DYM: variants seen among roughly 807,000 people sequenced by gnomAD.
DYM encodes dymeclin.
Under a neutral mutation model 93.1 loss-of-function variants are expected in DYM, and 78 were observed. That is an observed-to-expected ratio of 0.84 (90% CI 0.70 to 1.01). The LOEUF is 1.01. Among genes scored for constraint, DYM ranks in the 50% least tolerant of loss-of-function variants. The pLI, the probability that DYM is intolerant of heterozygous loss-of-function variation, is 0.00. For missense variants in DYM, 789 were observed against 845.0 expected, an observed-to-expected ratio of 0.93 and a Z score of 0.82; for synonymous variants, 321 against 319.7, an observed-to-expected ratio of 1.00 and a Z score of -0.04.
chr18:49,105,411 G>A (rs2080687552), intron 16 of DYM, among the ~76,000 whole-genome samples: 2 of 152,100 alleles, frequency 1.3e-5, no homozygotes, highest in Admixed American at 1.3e-4. Context: ...ATCTCCTTCA[G>A]TTCTGCTCTG....
chr18:49,216,572 C>T (rs1036695621), intron 13 of DYM, among the ~76,000 whole-genome samples: 4 of 152,150 alleles, frequency 2.6e-5, no homozygotes, highest in Non-Finnish European at 4.4e-5. Context: ...GAGGAACGAT[C>T]AGACAGCAGC....
intron 1 of DYM, among the ~76,000 whole-genome samples, chr18:49,444,730 T>C (rs1332855002): frequency 1.3e-5 from 2 of 152,312 alleles, no homozygotes; most frequent in African/African-American, 2.4e-5. Context: ...TTGGAAGTGA[T>C]TAGTCTGCAG....
chr18:49,146,327 G>C (rs893889748), intron 15 of DYM, among the ~76,000 whole-genome samples: 2 of 152,182 alleles, frequency 1.3e-5, no homozygotes, highest in Admixed American at 1.3e-4. Flanking sequence ...TCAACACAGT[G>C]TTGGAAGTTC....
chr18:49,351,209 G>A (rs2065093612), intron 6 of DYM, among the ~76,000 whole-genome samples: 1 of 151,984 alleles, frequency 6.6e-6, no homozygotes, highest in African/African-American at 2.4e-5. Context: ...AACACTTGAG[G>A]TCAGGAGCTC....
intron 16 of DYM, among the ~76,000 whole-genome samples, chr18:49,104,334 G>GAT: frequency 6.6e-6 from 1 of 152,228 alleles, no homozygotes; most frequent in Non-Finnish European, 1.5e-5. Context: ...GGGTTTTCTA[G>GAT]ATATACAATC....
At chr18:49,285,124 T>G (rs202033886) in intron 9 of DYM, among the ~76,000 whole-genome samples, 5 of 152,202 alleles carry the variant, frequency 3.3e-5, no homozygotes, top group Admixed American at 6.6e-5. Context: ...TTAGATTGAC[T>G]TCCCAGCCTT....
chr18:49,284,079 A>G (rs1163963724), intron 9 of DYM, among the ~76,000 whole-genome samples: 1 of 152,210 alleles, frequency 6.6e-6, no homozygotes, highest in East Asian at 1.9e-4. Context: ...CACTGGAGGA[A>G]GATTCTAGAC....
intron 6 of DYM, among the ~76,000 whole-genome samples, chr18:49,350,726 G>GAAA (rs72289769): frequency 8.3e-6 from 1 of 119,926 alleles, no homozygotes; most frequent in Non-Finnish European, 1.8e-5. Context: ...GAAAAAAAAA[G>GAAA]AAAAAAAAAA....
intron 6 of DYM, among the ~76,000 whole-genome samples, chr18:49,356,655 T>C (rs558618737): frequency 1.3e-5 from 2 of 152,306 alleles, no homozygotes; most frequent in Non-Finnish European, 2.9e-5. Context: ...ACCTTCACTC[T>C]CTTCCAACGA....
chr18:49,055,794 C>T (rs772500459), intron 17 of DYM, among the ~76,000 whole-genome samples: 10 of 152,202 alleles, frequency 6.6e-5, no homozygotes, highest in Non-Finnish European at 1.0e-4. Flanking sequence ...AAGGTCTCCC[C>T]GCCTTCGTGA....
intron 16 of DYM, chr18:49,114,534 T>G (rs1332595276): frequency 1.0e-6 from 1 of 984,410 alleles, no homozygotes; most frequent in African/African-American, 1.7e-5. Context: ...CTTCCTCACC[T>G]CCACTCTGCT....
intron 8 of DYM, among the ~76,000 whole-genome samples, chr18:49,312,718 G>A (rs775288241): frequency 7.9e-5 from 12 of 152,152 alleles, no homozygotes; most frequent in Non-Finnish European, 1.5e-4. Context: ...ACAGGTGACC[G>A]GGGGCATGTC....
chr18:49,198,924 C>T (rs1201874022), intron 14 of DYM, among the ~76,000 whole-genome samples: 4 of 151,796 alleles, frequency 2.6e-5, no homozygotes, highest in Non-Finnish European at 4.4e-5. Context: ...AAGACACATG[C>T]ACACGTATGT....
chr18:49,201,740 C>T (rs1600589794), intron 14 of DYM, among the ~76,000 whole-genome samples: 1 of 152,232 alleles, frequency 6.6e-6, no homozygotes, highest in East Asian at 1.9e-4. Flanking sequence ...TCCATGCCTA[C>T]TCTGCTAATA....
At chr18:49,390,432 TA>T (rs903814057) in intron 3 of DYM, among the ~76,000 whole-genome samples, 70 of 145,706 alleles carry the variant, frequency 4.8e-4, no homozygotes, top group African/African-American at 1.3e-3. Flanking sequence ...TCTATCTCTT[TA>T]AAAAAAAAAA....
intron 3 of DYM, among the ~76,000 whole-genome samples, chr18:49,382,871 A>C (rs987355382): frequency 2.0e-5 from 3 of 152,206 alleles, no homozygotes; most frequent in Non-Finnish European, 4.4e-5. Context: ...CATTCAGATA[A>C]GGGTATTGTA....
chr18:49,300,732 T>C (rs2060878608), intron 8 of DYM, among the ~76,000 whole-genome samples: 1 of 152,166 alleles, frequency 6.6e-6, no homozygotes, highest in Non-Finnish European at 1.5e-5. Flanking sequence ...ATAAAGTACA[T>C]TGTATAGATA....
At chr18:49,127,767 ATT>A (rs917908561) in intron 15 of DYM, among the ~76,000 whole-genome samples, 1 of 152,170 alleles carries the variant, frequency 6.6e-6, no homozygotes, top group African/African-American at 2.4e-5. Flanking sequence ...CCAGAACTGG[ATT>A]TGTCCAAAAT....
At chr18:49,304,754 C>T (rs568248719) in intron 8 of DYM, among the ~76,000 whole-genome samples, 1 of 152,282 alleles carries the variant, frequency 6.6e-6, no homozygotes, top group African/African-American at 2.4e-5. Flanking sequence ...ATCACTCCTG[C>T]TCATTTTCTG....
Sources: gnomAD v4.1 joint callset for allele counts (sites outside exome capture counted in the v4.1 genomes callset) on GRCh38, gnomAD v4.1.1 for gene constraint, MANE v1.5 for transcripts, NCBI Gene and HGNC (gene_info 2026-07-23, HGNC 2026-07-21) for gene names.